Variants in TOP2B observed in about 807,000 individuals in gnomAD.
The protein encoded by TOP2B is DNA topoisomerase II beta, also known as DNA topoisomerase 2-beta.
In TOP2B, 51 loss-of-function variants were observed where a neutral mutation model predicts 193.5. The ratio of observed to expected loss-of-function variants is 0.26; its 90% CI spans 0.21 to 0.33. TOP2B has a LOEUF of 0.33. Ranked by LOEUF, TOP2B falls within the 10% of genes least tolerant of loss-of-function variation. The pLI, the probability that TOP2B is intolerant of heterozygous loss-of-function variation, is 1.00. For missense variants in TOP2B, 1,378 were observed against 1,909.3 expected (o/e 0.72, Z 5.19); for synonymous variants, 634 against 635.7 (o/e 1.00, Z 0.04).
intron 33 of TOP2B, 141 bp from the exon 34 acceptor site, chr3:25,601,366 C>A: frequency 1.9e-6 from 2 of 1,050,352 alleles, no homozygotes; most frequent in Non-Finnish European, 2.7e-6. Context: ...ACCTGTAATG[C>A]CAGCACTCTG....
chr3:25,598,657 A>AGAT (rs1207431790), intron 35 of TOP2B, among the ~76,000 whole-genome samples, 180 bp from the exon 36 acceptor site: 4 of 152,218 alleles, frequency 2.6e-5, no homozygotes, highest in Admixed American at 6.5e-5. Flanking sequence ...TGGAGGAAAA[A>AGAT]GATTACATAC....
At chr3:25,631,772 A>G (rs1702966006) in intron 10 of TOP2B, among the ~76,000 whole-genome samples, 1 of 152,110 alleles carries the variant, frequency 6.6e-6, no homozygotes, top group Non-Finnish European at 1.5e-5. Flanking sequence ...CTCAGAATTC[A>G]TTAAGATTAG....
intron 11 of TOP2B, 125 bp downstream of exon 11, chr3:25,630,676 A>T: frequency 9.9e-7 from 1 of 1,013,220 alleles, no homozygotes. Flanking sequence ...TGATAATTTC[A>T]ATGAAGTAAA....
intron 1 of TOP2B, among the ~76,000 whole-genome samples, chr3:25,651,404 T>C (rs780397253): frequency 6.0e-4 from 81 of 135,072 alleles, no homozygotes; most frequent in Non-Finnish European, 1.0e-3. Context: ...ATCTGTAGAA[T>C]ATACACAAAG....
chr3:25,615,368 A>T (rs1261088479), intron 26 of TOP2B, 63 bp downstream of exon 26: 1 of 1,543,452 alleles, frequency 6.5e-7, no homozygotes, highest in South Asian at 1.2e-5. Context: ...ATTTTTGGAA[A>T]AAGAAAAAGA....
intron 1 of TOP2B, among the ~76,000 whole-genome samples, chr3:25,649,763 C>A (rs1575585960): frequency 6.6e-6 from 1 of 152,012 alleles, no homozygotes; most frequent in Non-Finnish European, 1.5e-5. Context: ...AAGGGAGTCC[C>A]TTAAAGCAAA....
rs571388192 is a variant in TOP2B at position 25,638,486 on chromosome 3, C to G, written c.396-176G>C. Among the ~76,000 whole-genome samples the G allele has an allele frequency of 2.0e-5, 3 of 151,814 alleles. No homozygotes were observed. In the South Asian group the frequency reaches 6.2e-4, roughly 31 times the overall value. On this transcript the variant is annotated intron_variant, in intron 4 of 35. Transcript: ENST00000264331. ...GATTCATCTCTCAAGAAAATACTCG[C>G]TGAGGACAAACATTTCTTTCCCTGA...
In TOP2B at chr3:25,612,500, A is replaced by G; in HGVS notation, c.3786+15T>C. 1 of 1,569,414 alleles carries G rather than the reference A, an allele frequency of 6.4e-7. No individual in the cohort carries two copies. The highest frequency in any genetic ancestry group is 8.7e-7 in the Non-Finnish European group (1 of 1,155,280). On this transcript the variant is annotated intron_variant, in intron 28 of 35. Transcript: ENST00000264331. ...TATAGAAATGAGTCTATCAATGACA[A>G]GAGGTATGTCATACCTTCTTCTTCT...
At chr3:25,615,105 T>G in intron 27 of TOP2B, 100 bp downstream of exon 27, 2 of 1,022,422 alleles carry the variant, frequency 2.0e-6, no homozygotes, top group Non-Finnish European at 2.8e-6. Flanking sequence ...CATATTAACC[T>G]TCACAGAGTT....
At chr3:25,653,410 T>G (rs1003401345) in intron 1 of TOP2B, among the ~76,000 whole-genome samples, 2 of 152,072 alleles carry the variant, frequency 1.3e-5, no homozygotes, top group Non-Finnish European at 2.9e-5. Flanking sequence ...ACTTTTTTTT[T>G]TTAAGAGAGG....
At chr3:25,653,876 T>C (rs148073629) in intron 1 of TOP2B, among the ~76,000 whole-genome samples, 350 of 152,360 alleles carry the variant, frequency 2.3e-3, no homozygotes, top group Non-Finnish European at 3.9e-3. Context: ...TCTCAATTGA[T>C]GTGCAAAAAG....
chr3:25,606,414 T>G (rs1455197515), intron 31 of TOP2B, among the ~76,000 whole-genome samples: 1 of 152,130 alleles, frequency 6.6e-6, no homozygotes, highest in Non-Finnish European at 1.5e-5. Context: ...TGGTTTAAAG[T>G]TATTCAAAAT....
At chr3:25,648,091 C>G (rs1341783625) in intron 1 of TOP2B, among the ~76,000 whole-genome samples, 3 of 152,228 alleles carry the variant, frequency 2.0e-5, no homozygotes, top group Admixed American at 2.0e-4. Flanking sequence ...GAATATACCT[C>G]CAATGGAACA....
chr3:25,651,749 C>T (rs370879452), intron 1 of TOP2B, among the ~76,000 whole-genome samples: 32 of 151,976 alleles, frequency 2.1e-4, no homozygotes, highest in African/African-American at 7.2e-4. Context: ...CACCTGTAAT[C>T]CCAGCTACTC....
chr3:25,612,866 AAAGAATTCTAAATCAG>A (rs760572273), intron 27 of TOP2B, among the ~76,000 whole-genome samples, 157 bp from the exon 28 acceptor site: 4 of 152,200 alleles, frequency 2.6e-5, no homozygotes, highest in Non-Finnish European at 5.9e-5. Flanking sequence ...GAAAAAAAAT[AAAGAATTCTAAATCAG>A]AAGACCTGGA....
At position 25,630,816 on chromosome 3, in the gene TOP2B, C is replaced by A; in HGVS notation, c.1390G>T (p.Asp464Tyr). Residue 464 changes from aspartate to tyrosine, a missense_variant, in exon 11 of 36, where the codon GAT (aspartate) becomes TAT (tyrosine). Asp to Tyr is a radical substitution (Grantham distance 160). This residue lies in a region of TOP2B where 66 missense variants were observed against 153.3 expected (regional missense o/e 0.43). Coordinates refer to ENST00000264331, the MANE Select transcript of TOP2B (RefSeq NM_001330700.2). The part of the protein sequence containing the change: ...SKIKGIPKLD[D>Y]ANDAGGKHSL... ...TCAATCTTACCAGCATCATTAGCAT[C>A]ATCCAGTTTGGGAATACCTTTGATT... 6.3e-7 allele frequency: 1 copy of A among 1,577,276 alleles called. No homozygotes were observed. Among genetic ancestry groups the A allele is most frequent in the Non-Finnish European group, 8.6e-7 (1 of 1,166,360 alleles).
At chr3:25,637,052 G>A (rs140783350) in intron 6 of TOP2B, among the ~76,000 whole-genome samples, 163 bp downstream of exon 6, 1,541 of 151,782 alleles carry the variant, frequency 0.01, 11 homozygotes, top group Non-Finnish European at 0.015. Flanking sequence ...AATCTCCCAG[G>A]CATTCTGATG....
In TOP2B at chr3:25,664,725, G is replaced by C. The variant is rs1188071796; in HGVS notation, c.-428C>G. ...GTGCCTTGTCCTTCTCACACTCCGCGAAGGCCAGCCACTCGAGTCGCCAGA... is the reference window on the plus strand; with the variant it reads ...GTGCCTTGTCCTTCTCACACTCCGCCAAGGCCAGCCACTCGAGTCGCCAGA... On this transcript the variant is annotated 5_prime_UTR_variant, in exon 1 of 36. Coordinates refer to ENST00000264331, the MANE Select transcript of TOP2B (RefSeq NM_001330700.2). The C allele has an allele frequency of 9.1e-6, 9 of 987,142 alleles. No homozygotes were observed. The highest frequency in any genetic ancestry group is 1.1e-5 in the Non-Finnish European group (9 of 830,218). The allele number at this position is 987,142 out of a possible 1,614,324, so 61.1% of individuals were successfully genotyped here.
intron 10 of TOP2B, 82 bp downstream of exon 10, chr3:25,632,364 C>G (rs898172402): frequency 2.4e-6 from 3 of 1,224,582 alleles, no homozygotes; most frequent in Non-Finnish European, 3.4e-6. Flanking sequence ...ATGAAAGAAA[C>G]TAATCACAAA....
Sources: gnomAD v4.1 joint callset for allele counts (sites outside exome capture counted in the v4.1 genomes callset) on GRCh38, gnomAD v4.1.1 for gene constraint, gnomAD v4.1.1 regional missense constraint, MANE v1.5 for transcripts, NCBI Gene and HGNC (gene_info 2026-07-23, HGNC 2026-07-21) for gene names.